Variants in VSIG10 observed in about 807,000 individuals in gnomAD.
VSIG10 encodes V-set and immunoglobulin domain containing 10.
A neutral mutation model predicts 58.7 loss-of-function variants in VSIG10; 48 were observed. The observed-to-expected ratio is 0.82, with a 90% CI of 0.65 to 1.04. The LOEUF (loss-of-function observed/expected upper bound fraction) is 1.04, where lower values mean the gene tolerates loss of function less well. VSIG10 is among the 50% of genes least tolerant of loss of function. The pLI is 0.00. For missense variants in VSIG10, 628 were observed against 670.0 expected (o/e 0.94, Z 0.69); for synonymous variants, 260 against 267.1 (o/e 0.97, Z 0.26).
At chr12:118,095,350 C>A (rs111853686) in intron 2 of VSIG10, among the ~76,000 whole-genome samples, 183 bp downstream of exon 2, 4,126 of 152,212 alleles carry the variant, frequency 0.027, 179 homozygotes, top group African/African-American at 0.094. Context: ...CACAGAAATT[C>A]TTTTTATCTC....
chr12:118,072,261 C>T (rs1468343261), intron 5 of VSIG10, among the ~76,000 whole-genome samples: 1 of 151,622 alleles, frequency 6.6e-6, no homozygotes, highest in East Asian at 2.0e-4. Context: ...GTCAGGAGGT[C>T]GAGACCATCC....
At position 118,079,394 on chromosome 12, in the gene VSIG10, T is replaced by C. The variant is rs1328922890; in HGVS notation, c.877A>G (p.Ser293Gly). The change falls in exon 4 of 9, where the codon AGC becomes GGC. Residue 293 changes from serine (S) to glycine (G), a missense_variant. Transcript: ENST00000359236. ...CCCGACTCTGGCCCAACTATGTGGC[T>C]TGTAACACACTTGAACTTCTTGCCA... ...SDGKKFKCVT[S>G]HIVGPESGAS... 6.2e-7 allele frequency: 1 copy of C among 1,614,008 alleles called. No homozygotes were observed. The highest frequency in any genetic ancestry group is 2.2e-5 in the East Asian group (1 of 44,890).
chr12:118,083,449 A>T (rs747336703), intron 2 of VSIG10, among the ~76,000 whole-genome samples: 3 of 152,092 alleles, frequency 2.0e-5, no homozygotes, highest in East Asian at 3.9e-4. Context: ...GTGGTGGCAC[A>T]CACCTGTAAT....
intron 2 of VSIG10, among the ~76,000 whole-genome samples, chr12:118,094,497 C>T (rs1046826735): frequency 6.6e-6 from 1 of 152,020 alleles, no homozygotes; most frequent in Non-Finnish European, 1.5e-5. Flanking sequence ...GATTCTCCTG[C>T]CTCAGCCTCC....
intron 2 of VSIG10, among the ~76,000 whole-genome samples, chr12:118,089,443 G>T (rs142194294): frequency 3.3e-5 from 5 of 152,132 alleles, no homozygotes; most frequent in Non-Finnish European, 7.3e-5. Context: ...TTGCAATGTC[G>T]CCTTACCCCA....
rs1030032995 is a variant in VSIG10, at chr12:118,079,492, T to C, written c.779A>G (p.Glu260Gly). 3 of 1,614,010 alleles carry C rather than the reference T, an allele frequency of 1.9e-6. No homozygotes were observed. The highest frequency in any genetic ancestry group is 2.5e-6 in the Non-Finnish European group (3 of 1,179,900). ...CCCCACGATTACACCTCCTGGCTCTTCTATCCACAGGAAGTCAGGGTCAGG... is the reference window on the plus strand; with the variant it reads ...CCCCACGATTACACCTCCTGGCTCTCCTATCCACAGGAAGTCAGGGTCAGG... The part of the protein sequence containing the change: ...GYPDPDFLWI[E>G]EPGGVIVGKS... The change falls in exon 4 of 9, where the codon GAA (glutamate) becomes GGA (glycine). Residue 260 changes from glutamate to glycine, a missense_variant. Glu to Gly is a moderately conservative substitution (Grantham distance 98). Coordinates refer to ENST00000359236, the MANE Select transcript of VSIG10 (RefSeq NM_019086.6).
chr12:118,087,514 G>A (rs988321917), intron 2 of VSIG10, among the ~76,000 whole-genome samples: 2 of 152,094 alleles, frequency 1.3e-5, no homozygotes, highest in Non-Finnish European at 2.9e-5. Context: ...CCAAGGCCAT[G>A]TTAGAATGTT....
intron 2 of VSIG10, among the ~76,000 whole-genome samples, chr12:118,086,159 A>C (rs1339639159): frequency 1.2e-5 from 1 of 80,538 alleles, no homozygotes; most frequent in Non-Finnish European, 3.6e-5. Context: ...ACTTTGTCTC[A>C]AAAAAAAAAA....
At chr12:118,074,788 ATTT>A (rs962806438) in intron 4 of VSIG10, among the ~76,000 whole-genome samples, 2 of 152,078 alleles carry the variant, frequency 1.3e-5, no homozygotes, top group African/African-American at 4.8e-5. Flanking sequence ...CAATTCATAA[ATTT>A]TTTATTTTTT....
chr12:118,095,887 C>T (rs2033436583), intron 1 of VSIG10, 73 bp from the exon 2 acceptor site: 3 of 1,420,216 alleles, frequency 2.1e-6, no homozygotes, highest in African/African-American at 2.9e-5. Flanking sequence ...GACAGTACTC[C>T]TGTATTAGGA....
chr12:118,085,369 A>G (rs1389180373), intron 2 of VSIG10, among the ~76,000 whole-genome samples: 1 of 152,138 alleles, frequency 6.6e-6, no homozygotes, highest in African/African-American at 2.4e-5. Context: ...GTAGACACAG[A>G]CCAGCTTCCT....
chr12:118,076,080 AG>A (rs1487830057), intron 4 of VSIG10, among the ~76,000 whole-genome samples: 4 of 152,256 alleles, frequency 2.6e-5, no homozygotes, highest in Non-Finnish European at 2.9e-5. Context: ...AAGGATTTCA[AG>A]GGGACAAGAG....
chr12:118,066,941 C>T (rs919905590), intron 8 of VSIG10, among the ~76,000 whole-genome samples: 4 of 152,072 alleles, frequency 2.6e-5, no homozygotes, highest in African/African-American at 4.8e-5. Flanking sequence ...TCACCTGAAA[C>T]GCCCTCTCTC....
At chr12:118,075,354 T>G (rs2032685283) in intron 4 of VSIG10, among the ~76,000 whole-genome samples, 1 of 151,796 alleles carries the variant, frequency 6.6e-6, no homozygotes, top group African/African-American at 2.4e-5. Flanking sequence ...AGAAATTTCT[T>G]TTTTTCTTTT....
Position 118,103,915 on chromosome 12 carries a change from C to T in VSIG10, c.-244G>A. The T allele has an allele frequency of 2.5e-6, 1 of 400,860 alleles. No homozygotes were observed. Among genetic ancestry groups the T allele is most frequent in the Non-Finnish European group, 4.4e-6 (1 of 225,446 alleles). The allele number at this position is 400,860 out of a possible 1,614,324, so 24.8% of individuals were successfully genotyped here. On this transcript the variant is annotated 5_prime_UTR_variant, in exon 1 of 9. Coordinates refer to ENST00000359236, the MANE Select transcript of VSIG10 (RefSeq NM_019086.6). ...CCCTGGCCGGGGAGGGAGGGCGCACCCCGCCCCCTGCGCCCGCCAGCCTAC... is the reference window on the plus strand; with the variant it reads ...CCCTGGCCGGGGAGGGAGGGCGCACTCCGCCCCCTGCGCCCGCCAGCCTAC...
Position 118,103,747 on chromosome 12 carries a change from G to A in VSIG10, c.-76C>T, listed in dbSNP as rs985993062. On this transcript the variant is annotated 5_prime_UTR_variant, in exon 1 of 9. Transcript: ENST00000359236. ...TGTGTGCCCCAGGGCCCCGGGGCCCGGGGTACCGAGGGCTCCTCCCAGGTC... is the reference window on the plus strand; with the variant it reads ...TGTGTGCCCCAGGGCCCCGGGGCCCAGGGTACCGAGGGCTCCTCCCAGGTC... The A allele has an allele frequency of 2.3e-6, 3 of 1,324,400 alleles. No individual in the cohort carries two copies. Among genetic ancestry groups the A allele is most frequent in the African/African-American group, 1.6e-5 (1 of 64,354 alleles). The allele number at this position is 1,324,400 out of a possible 1,614,324, so 82.0% of individuals were successfully genotyped here. A position where few individuals can be genotyped will look rare whatever the true frequency, so the allele number is the denominator to read the frequency against.
intron 2 of VSIG10, among the ~76,000 whole-genome samples, chr12:118,085,836 G>C: frequency 7.3e-6 from 1 of 137,110 alleles, no homozygotes; most frequent in East Asian, 2.2e-4. Flanking sequence ...CTGGGCAACA[G>C]AGCGAGACTT....
intron 2 of VSIG10, among the ~76,000 whole-genome samples, chr12:118,083,847 G>C (rs7315515): frequency 0.47 from 71,240 of 151,798 alleles, 17,164 homozygotes; most frequent in East Asian, 0.6. Flanking sequence ...GCTGGCCAGG[G>C]ACGGTGGCTC....
At chr12:118,079,737 T>G in intron 3 of VSIG10, 131 bp from the exon 4 acceptor site, 2 of 1,277,284 alleles carry the variant, frequency 1.6e-6, no homozygotes, top group Non-Finnish European at 2.1e-6. Context: ...ATCTAATAGC[T>G]CCTAGCACAA....
Sources: gnomAD v4.1 joint callset for allele counts (sites outside exome capture counted in the v4.1 genomes callset) on GRCh38, gnomAD v4.1.1 for gene constraint, MANE v1.5 for transcripts, NCBI Gene and HGNC (gene_info 2026-07-23, HGNC 2026-07-21) for gene names.